Variants in DGKB observed in about 807,000 individuals in gnomAD.
DGKB encodes diacylglycerol kinase beta.
A neutral mutation model predicts 114.3 loss-of-function variants in DGKB; 67 were observed. The ratio of observed to expected loss-of-function variants is 0.59; its 90% CI spans 0.48 to 0.72. The LOEUF is 0.72. Among genes scored for constraint, DGKB ranks in the 30% least tolerant of loss-of-function variants. The pLI, the probability that DGKB is intolerant of heterozygous loss-of-function variation, is 0.00. For synonymous variants in DGKB, 398 were observed against 323.1 expected, an observed-to-expected ratio of 1.23 and a Z score of -2.49; for missense variants, 907 against 975.2, an observed-to-expected ratio of 0.93 and a Z score of 0.93.
chr7:14,564,107 G>A (rs1490434075), intron 20 of DGKB, among the ~76,000 whole-genome samples: 1 of 152,144 alleles, frequency 6.6e-6, no homozygotes, highest in African/African-American at 2.4e-5. Context: ...GAAGCTGAGA[G>A]CTGAAAATTT....
intron 23 of DGKB, among the ~76,000 whole-genome samples, chr7:14,243,840 A>C (rs893922037): frequency 6.6e-6 from 1 of 151,636 alleles, no homozygotes; most frequent in Non-Finnish European, 1.5e-5. Context: ...TTCTACAGCC[A>C]TTGTCGTAAC....
chr7:14,573,312 G>A (rs1360531509), intron 20 of DGKB, among the ~76,000 whole-genome samples: 1 of 152,074 alleles, frequency 6.6e-6, no homozygotes, highest in Non-Finnish European at 1.5e-5. Context: ...GTAACTCTAT[G>A]AGAGAGGAAA....
At chr7:14,487,583 CTTTTTTTT>C (rs11433526) in intron 20 of DGKB, among the ~76,000 whole-genome samples, 2 of 125,922 alleles carry the variant, frequency 1.6e-5, no homozygotes, top group African/African-American at 5.9e-5. Flanking sequence ...AAGAAAATTC[CTTTTTTTT>C]TTTTTTTTTT....
At chr7:14,835,648 G>A (rs371405214) in intron 2 of DGKB, among the ~76,000 whole-genome samples, 109 of 152,134 alleles carry the variant, frequency 7.2e-4, no homozygotes, top group African/African-American at 2.5e-3. Flanking sequence ...ATCTAAATTT[G>A]CCTAAAAATA....
At chr7:14,548,580 ATAGAG>A (rs1185557310) in intron 20 of DGKB, among the ~76,000 whole-genome samples, 2 of 152,164 alleles carry the variant, frequency 1.3e-5, no homozygotes, top group East Asian at 1.9e-4. Flanking sequence ...GAGCAAAGGA[ATAGAG>A]TAAAGTAAAA....
intron 21 of DGKB, among the ~76,000 whole-genome samples, chr7:14,420,002 A>C (rs1826411158): frequency 6.6e-6 from 1 of 152,186 alleles, no homozygotes; most frequent in South Asian, 2.1e-4. Flanking sequence ...CTTTTATTGG[A>C]CAGATATGTG....
At chr7:14,461,144 A>T (rs1179645397) in intron 21 of DGKB, among the ~76,000 whole-genome samples, 1 of 152,204 alleles carries the variant, frequency 6.6e-6, no homozygotes, top group Non-Finnish European at 1.5e-5. Context: ...CACAGGAAAG[A>T]GCAGGAAAGG....
intron 21 of DGKB, among the ~76,000 whole-genome samples, chr7:14,445,105 C>T (rs1365281596): frequency 2.0e-5 from 3 of 151,802 alleles, no homozygotes; most frequent in African/African-American, 7.2e-5. Flanking sequence ...CTCATTCTTT[C>T]TTTGAGAAAA....
chr7:14,161,254 G>A (rs181300269), intron 25 of DGKB, among the ~76,000 whole-genome samples: 38 of 152,314 alleles, frequency 2.5e-4, no homozygotes, highest in African/African-American at 8.4e-4. Flanking sequence ...AGACAGTGTG[G>A]CGATTTCTCA....
intron 6 of DGKB, among the ~76,000 whole-genome samples, chr7:14,704,283 A>T (rs1217498291): frequency 2.8e-5 from 4 of 143,632 alleles, no homozygotes; most frequent in African/African-American, 1.1e-4. Flanking sequence ...AAAATACAAA[A>T]AAAAAAAAAA....
intron 23 of DGKB, among the ~76,000 whole-genome samples, chr7:14,334,230 G>T (rs1258653704): frequency 6.6e-6 from 1 of 152,026 alleles, no homozygotes; most frequent in Non-Finnish European, 1.5e-5. Flanking sequence ...GGTGGTATTT[G>T]CACAATATTG....
rs117653978 is a variant in DGKB at position 14,799,545 on chromosome 7, G to A, written c.70+41649C>T. The stretch of plus-strand genomic sequence containing the variant: ...TCTCAATGGGATTTTTAGAGCTCCA[G>A]TGGTGTGGGGAAGTTCAAGATATCC... On this transcript the variant is annotated intron_variant, in intron 2 of 25. Coordinates refer to ENST00000402815, the MANE Select transcript of DGKB (RefSeq NM_001350709.2). 4.0e-3 allele frequency among the ~76,000 whole-genome samples: 614 copies of A among 152,324 alleles called. 3 individuals are homozygous for A. Among genetic ancestry groups the A allele is most frequent in the Non-Finnish European group, 7.3e-3 (498 of 68,016 alleles).
intron 13 of DGKB, among the ~76,000 whole-genome samples, chr7:14,662,761 T>G (rs556513942): frequency 2.0e-5 from 3 of 151,842 alleles, no homozygotes; most frequent in Non-Finnish European, 4.4e-5. Flanking sequence ...AAAAAAAACC[T>G]AAAAATCAGG....
At chr7:14,709,158 C>T (rs1212128977) in intron 6 of DGKB, among the ~76,000 whole-genome samples, 1 of 151,888 alleles carries the variant, frequency 6.6e-6, no homozygotes, top group African/African-American at 2.4e-5. Flanking sequence ...GGGCGAAGGA[C>T]ATGAACAGAC....
intron 21 of DGKB, among the ~76,000 whole-genome samples, chr7:14,382,289 A>AT (rs776314884): frequency 0.022 from 3,175 of 143,438 alleles, 53 homozygotes; most frequent in South Asian, 0.027. Context: ...AAACAGTGGC[A>AT]ATTTTTTTTT....
intron 23 of DGKB, among the ~76,000 whole-genome samples, chr7:14,181,503 A>G (rs926151970): frequency 6.6e-6 from 1 of 152,224 alleles, no homozygotes; most frequent in Non-Finnish European, 1.5e-5. Flanking sequence ...CGGAACACCA[A>G]AAGTTTCCAA....
chr7:14,569,787 T>G (rs1369171832), intron 20 of DGKB, among the ~76,000 whole-genome samples: 4 of 151,980 alleles, frequency 2.6e-5, no homozygotes, highest in Admixed American at 6.6e-5. Context: ...AGTTATATAT[T>G]AAATGTATAA....
intron 1 of DGKB, among the ~76,000 whole-genome samples, chr7:14,941,901 C>G (rs1288930153): frequency 3.9e-5 from 6 of 151,922 alleles, no homozygotes; most frequent in Admixed American, 1.3e-4. Flanking sequence ...TCAACTCAAC[C>G]TTTAGTAACA....
At position 14,330,844 on chromosome 7, in the gene DGKB, C is replaced by T. The variant is rs7787782; in HGVS notation, c.2122+7671G>A. The stretch of plus-strand genomic sequence containing the variant: ...AAATAGAAATTTCATTAATGCTTCT[C>T]GATAATGCATGTGCTTTTATAGGAT... On this transcript the variant is annotated intron_variant, in intron 23 of 25. Transcript: ENST00000402815. 6.9e-3 allele frequency among the ~76,000 whole-genome samples: 1,047 copies of T among 151,846 alleles called. 10 individuals carry two copies. Among genetic ancestry groups the T allele is most frequent in the African/African-American group, 0.021 (867 of 41,456 alleles).
Sources: allele counts gnomAD v4.1 joint callset (sites outside exome capture counted in the v4.1 genomes callset), GRCh38; gene constraint gnomAD v4.1.1; transcripts MANE v1.5; gene names NCBI Gene and HGNC (gene_info 2026-07-23, HGNC 2026-07-21).